KCNB2: variants seen among roughly 807,000 people sequenced by gnomAD.
KCNB2 encodes the protein potassium voltage-gated channel subfamily B member 2, also known as delayed rectifier potassium channel protein.
In KCNB2, 15 loss-of-function variants were observed where a neutral mutation model predicts 61.5. That is an observed-to-expected ratio of 0.24 (90% CI 0.16 to 0.38). The LOEUF (loss-of-function observed/expected upper bound fraction) is 0.38, where lower values mean the gene tolerates loss of function less well. Among genes scored for constraint, KCNB2 ranks in the 10% least tolerant of loss-of-function variants. The probability of loss-of-function intolerance (pLI) is 1.00; values close to 1 mark genes in which losing one functional copy is unlikely to be tolerated. For synonymous variants in KCNB2, 457 were observed against 446.0 expected (o/e 1.02, Z -0.31); for missense variants, 828 against 1,125.2 (o/e 0.74, Z 3.78).
intron 2 of KCNB2, among the ~76,000 whole-genome samples, chr8:72,868,000 C>T (rs1805557906): frequency 6.6e-6 from 1 of 150,528 alleles, no homozygotes; most frequent in Non-Finnish European, 1.5e-5. Context: ...ATGGCAGATA[C>T]TCATTTCATT....
In KCNB2 at chr8:72,597,300, C is replaced by T. The variant is rs1442814825; in HGVS notation, c.579+28987C>T. Reference sequence around the variant, plus strand: ...CTGCCCACCTCGGCCTTCCAAAGTGCTGGGATTACAGGCGTGAGCCACCAC... The same window carrying T: ...CTGCCCACCTCGGCCTTCCAAAGTGTTGGGATTACAGGCGTGAGCCACCAC... On this transcript the variant is annotated intron_variant, in intron 2 of 2. Coordinates refer to ENST00000523207, the MANE Select transcript of KCNB2 (RefSeq NM_004770.3). Among the ~76,000 whole-genome samples, 6 of 152,212 alleles carry T rather than the reference C, an allele frequency of 3.9e-5. No homozygotes were observed. The East Asian group carries it at 1.2e-3, about 30-fold the overall frequency.
At chr8:72,768,997 C>T (rs1189162641) in intron 2 of KCNB2, among the ~76,000 whole-genome samples, 1 of 151,906 alleles carries the variant, frequency 6.6e-6, no homozygotes, top group African/African-American at 2.4e-5. Context: ...CCCGTCTCTA[C>T]TAAAAACACA....
intron 2 of KCNB2, among the ~76,000 whole-genome samples, chr8:72,630,465 G>T (rs13253101): frequency 0.39 from 59,316 of 151,822 alleles, 13,806 homozygotes; most frequent in Non-Finnish European, 0.52. Context: ...TTCGTATTTG[G>T]TGCATGTTGA....
chr8:72,704,262 C>T (rs1329673468), intron 2 of KCNB2, among the ~76,000 whole-genome samples: 1 of 152,120 alleles, frequency 6.6e-6, no homozygotes, highest in Non-Finnish European at 1.5e-5. Context: ...TAACATTTGG[C>T]TCATTCTTCA....
At chr8:72,725,244 A>T (rs973583580) in intron 2 of KCNB2, among the ~76,000 whole-genome samples, 1 of 151,940 alleles carries the variant, frequency 6.6e-6, no homozygotes, top group Non-Finnish European at 1.5e-5. Context: ...GTAAATGCAC[A>T]TATTTTATTT....
chr8:72,663,960 C>T (rs1476578763), intron 2 of KCNB2, among the ~76,000 whole-genome samples: 1 of 152,216 alleles, frequency 6.6e-6, no homozygotes, highest in Non-Finnish European at 1.5e-5. Context: ...TGGTCCTCCT[C>T]CTTCTTGCTT....
At chr8:72,928,966 T>C (rs1340754723) in intron 2 of KCNB2, among the ~76,000 whole-genome samples, 4 of 152,140 alleles carry the variant, frequency 2.6e-5, no homozygotes, top group Non-Finnish European at 1.5e-5. Context: ...TGTTTCCCAA[T>C]GCTGGCTAAA....
chr8:72,652,105 A>G (rs2128986490), intron 2 of KCNB2, among the ~76,000 whole-genome samples: 1 of 152,298 alleles, frequency 6.6e-6, no homozygotes, highest in East Asian at 1.9e-4. Context: ...CCAAGGCCCA[A>G]GCTTCATTAG....
intron 2 of KCNB2, among the ~76,000 whole-genome samples, chr8:72,768,858 C>A (rs964513884): frequency 6.6e-6 from 1 of 152,010 alleles, no homozygotes; most frequent in Non-Finnish European, 1.5e-5. Context: ...CCTCCTCATT[C>A]TTTTGAAAAT....
chr8:72,890,566 C>A (rs1805880989), intron 2 of KCNB2, among the ~76,000 whole-genome samples: 1 of 152,252 alleles, frequency 6.6e-6, no homozygotes, highest in South Asian at 2.1e-4. Flanking sequence ...CAGTGGTCAC[C>A]ACAAGAACCA....
chr8:72,925,155 T>C (rs1806614670), intron 2 of KCNB2, among the ~76,000 whole-genome samples: 1 of 152,236 alleles, frequency 6.6e-6, no homozygotes, highest in Admixed American at 6.5e-5. Flanking sequence ...GGACATGGTC[T>C]TTAGATATGG....
At chr8:72,754,112 G>C (rs1488511451) in intron 2 of KCNB2, among the ~76,000 whole-genome samples, 1 of 152,146 alleles carries the variant, frequency 6.6e-6, no homozygotes, top group Non-Finnish European at 1.5e-5. Flanking sequence ...CTGAACTGGA[G>C]CTATCAAGTT....
intron 1 of KCNB2, among the ~76,000 whole-genome samples, chr8:72,557,113 A>G (rs916092845): frequency 3.3e-5 from 5 of 152,124 alleles, no homozygotes; most frequent in African/African-American, 1.2e-4. Flanking sequence ...GGGAAGCAGG[A>G]TTTCAACATA....
chr8:72,717,192 G>T (rs371664497), intron 2 of KCNB2, among the ~76,000 whole-genome samples: 5 of 152,184 alleles, frequency 3.3e-5, no homozygotes, highest in Non-Finnish European at 2.9e-5. Context: ...AACATTCCAT[G>T]CTCATAGGTA....
rs1809629989 is a variant in KCNB2 at position 72,828,167 on chromosome 8, A to G, written c.580-107768A>G. ...TGAGGACCCAGCTTAAGTATTAATAATCAAAAAAATAATAATCAAATTGTA... is the reference window on the plus strand; with the variant it reads ...TGAGGACCCAGCTTAAGTATTAATAGTCAAAAAAATAATAATCAAATTGTA... On this transcript the variant is annotated intron_variant, in intron 2 of 2. Coordinates refer to ENST00000523207, the MANE Select transcript of KCNB2 (RefSeq NM_004770.3). Among the ~76,000 whole-genome samples, 2 of 152,320 alleles carry G rather than the reference A, an allele frequency of 1.3e-5. 1 individual carries two copies. The highest frequency in any genetic ancestry group is 1.3e-4 in the Admixed American group (2 of 15,302).
At chr8:72,605,332 C>A (rs1805426574) in intron 2 of KCNB2, among the ~76,000 whole-genome samples, 1 of 152,186 alleles carries the variant, frequency 6.6e-6, no homozygotes, top group African/African-American at 2.4e-5. Context: ...GGGGGCTCCA[C>A]ACTAGACATC....
chr8:72,618,359 C>G (rs1156654195), intron 2 of KCNB2, among the ~76,000 whole-genome samples: 1 of 152,082 alleles, frequency 6.6e-6, no homozygotes, highest in African/African-American at 2.4e-5. Flanking sequence ...TTAATTCACC[C>G]TAAGTATTAG....
At chr8:72,704,502 TGTGTGTG>T (rs1042861825) in intron 2 of KCNB2, among the ~76,000 whole-genome samples, 1 of 32,496 alleles carries the variant, frequency 3.1e-5, no homozygotes, top group African/African-American at 4.4e-4. Context: ...AGAAAGCTGG[TGTGTGTG>T]TGTGTGTGTG....
intron 2 of KCNB2, among the ~76,000 whole-genome samples, chr8:72,626,473 T>C (rs1248545260): frequency 3.3e-5 from 5 of 152,250 alleles, no homozygotes; most frequent in African/African-American, 1.2e-4. Flanking sequence ...GACTCTAACA[T>C]TTCTATTGCA....
Sources: allele counts gnomAD v4.1 joint callset (sites outside exome capture counted in the v4.1 genomes callset), GRCh38; gene constraint gnomAD v4.1.1; transcripts MANE v1.5; gene names NCBI Gene and HGNC (gene_info 2026-07-23, HGNC 2026-07-21).